TNKS: variants seen among roughly 807,000 people sequenced by gnomAD.
TNKS encodes the protein tankyrase, also known as poly [ADP-ribose] polymerase tankyrase-1.
In TNKS, 72 loss-of-function variants were observed where a neutral mutation model predicts 135.8. That is an observed-to-expected ratio of 0.53 (90% CI 0.44 to 0.64). TNKS has a LOEUF of 0.64. TNKS is among the 30% of genes least tolerant of loss of function. The pLI is 0.00. For missense variants in TNKS, 1,769 were observed against 1,674.0 expected (o/e 1.06, Z -0.99); for synonymous variants, 849 against 649.3 (o/e 1.31, Z -4.68).
chr8:9,624,307 A>C (rs1044917232), intron 3 of TNKS, among the ~76,000 whole-genome samples: 1 of 152,256 alleles, frequency 6.6e-6, no homozygotes, highest in Admixed American at 6.5e-5. Context: ...TCTTTAAAAT[A>C]TAATAAATTA....
intron 5 of TNKS, among the ~76,000 whole-genome samples, chr8:9,682,163 A>G (rs970111014): frequency 1.3e-5 from 2 of 152,142 alleles, no homozygotes; most frequent in East Asian, 3.8e-4. Flanking sequence ...AGTGATTTCT[A>G]TCACTGTGTA....
intron 11 of TNKS, among the ~76,000 whole-genome samples, chr8:9,719,334 C>A (rs1383185484): frequency 6.6e-6 from 1 of 152,018 alleles, no homozygotes; most frequent in Non-Finnish European, 1.5e-5. Context: ...CAAATATTTT[C>A]AATAATCAAC....
intron 3 of TNKS, among the ~76,000 whole-genome samples, chr8:9,627,939 C>A (rs990870065): frequency 6.6e-6 from 1 of 152,122 alleles, no homozygotes. Flanking sequence ...ACCAATTCTA[C>A]CAACTTAGCT....
At chr8:9,663,880 C>G (rs1801854140) in intron 3 of TNKS, among the ~76,000 whole-genome samples, 1 of 152,182 alleles carries the variant, frequency 6.6e-6, no homozygotes, top group African/African-American at 2.4e-5. Context: ...CGTTCAGTAA[C>G]CCAGAAACAC....
At chr8:9,766,175 G>A (rs1807434685) in intron 24 of TNKS, 64 bp from the exon 25 acceptor site, 3 of 1,374,530 alleles carry the variant, frequency 2.2e-6, no homozygotes, top group Admixed American at 1.9e-5. Flanking sequence ...TGCAAATAGT[G>A]TGCAGGTAAT....
At chr8:9,746,096 T>G (rs1424922330) in intron 17 of TNKS, among the ~76,000 whole-genome samples, 1 of 152,146 alleles carries the variant, frequency 6.6e-6, no homozygotes, top group Non-Finnish European at 1.5e-5. Context: ...AAATTTATTT[T>G]CAATAGATGA....
chr8:9,741,566 G>T (rs777937179), intron 17 of TNKS: 2 of 290,608 alleles, frequency 6.9e-6, no homozygotes, highest in African/African-American at 2.1e-5. Flanking sequence ...GTGTTCTACT[G>T]CATTAGTCTT....
intron 5 of TNKS, among the ~76,000 whole-genome samples, chr8:9,698,568 G>A (rs1311501115): frequency 1.3e-5 from 2 of 152,040 alleles, no homozygotes; most frequent in African/African-American, 2.4e-5. Context: ...AAGCCCGGAC[G>A]CAGAGACGTT....
intron 2 of TNKS, among the ~76,000 whole-genome samples, chr8:9,614,589 A>G (rs746848516): frequency 3.3e-5 from 5 of 152,226 alleles, no homozygotes; most frequent in African/African-American, 1.2e-4. Flanking sequence ...ATATTGCTAA[A>G]GAATGTATGT....
intron 5 of TNKS, among the ~76,000 whole-genome samples, chr8:9,690,806 GA>G (rs1285638693): frequency 6.6e-6 from 1 of 152,126 alleles, no homozygotes; most frequent in Non-Finnish European, 1.5e-5. Flanking sequence ...CCTTCCTAAA[GA>G]TGAGTACTTC....
At chr8:9,618,176 G>A (rs148145931) in intron 3 of TNKS, among the ~76,000 whole-genome samples, 245 of 152,064 alleles carry the variant, frequency 1.6e-3, no homozygotes, top group African/African-American at 5.6e-3. Context: ...TAGTAGAGAC[G>A]GGGTTTCACC....
intron 11 of TNKS, among the ~76,000 whole-genome samples, chr8:9,713,679 A>G (rs561215976): frequency 2.0e-5 from 3 of 152,288 alleles, no homozygotes; most frequent in African/African-American, 7.2e-5. Flanking sequence ...CAGAGTTATG[A>G]ACCCATAGAT....
intron 2 of TNKS, among the ~76,000 whole-genome samples, chr8:9,603,817 G>T (rs1220728457): frequency 2.0e-5 from 3 of 152,136 alleles, no homozygotes; most frequent in Non-Finnish European, 4.4e-5. Context: ...AATAGCACGA[G>T]GATATTAAGA....
At chr8:9,576,233 T>C (rs748803187) in intron 1 of TNKS, among the ~76,000 whole-genome samples, 1 of 152,124 alleles carries the variant, frequency 6.6e-6, no homozygotes, top group African/African-American at 2.4e-5. Flanking sequence ...CAAAATTGAG[T>C]CTTTCTGTTG....
chr8:9,714,164 A>G (rs1178531806), intron 11 of TNKS, among the ~76,000 whole-genome samples: 1 of 152,154 alleles, frequency 6.6e-6, no homozygotes, highest in East Asian at 1.9e-4. Flanking sequence ...ATACATACAA[A>G]CTTGAGGTTT....
chr8:9,763,994 G>T (rs144122005), intron 22 of TNKS, among the ~76,000 whole-genome samples: 1 of 152,216 alleles, frequency 6.6e-6, no homozygotes, highest in African/African-American at 2.4e-5. Flanking sequence ...CAGCTCATAC[G>T]TAGCGCATCA....
chr8:9,666,106 G>A (rs1801975410), intron 3 of TNKS, among the ~76,000 whole-genome samples: 1 of 152,174 alleles, frequency 6.6e-6, no homozygotes, highest in African/African-American at 2.4e-5. Flanking sequence ...GCTGCTGACT[G>A]ATTACAACCG....
intron 20 of TNKS, 150 bp from the exon 21 acceptor site, chr8:9,761,366 T>G: frequency 1.3e-6 from 1 of 775,692 alleles, no homozygotes; most frequent in Non-Finnish European, 2.0e-6. Context: ...TCAAGACAAC[T>G]TTAAAAAAAT....
intron 17 of TNKS, among the ~76,000 whole-genome samples, chr8:9,736,578 A>G (rs1456261532): frequency 8.0e-5 from 11 of 137,398 alleles, no homozygotes; most frequent in Non-Finnish European, 1.5e-4. Flanking sequence ...TGATTTTTGT[A>G]TAAGGTGTAA....
Sources: allele counts gnomAD v4.1 joint callset (sites outside exome capture counted in the v4.1 genomes callset), GRCh38; gene constraint gnomAD v4.1.1; transcripts MANE v1.5; gene names NCBI Gene and HGNC (gene_info 2026-07-23, HGNC 2026-07-21).